Variants in ESRRG observed in about 807,000 individuals in gnomAD.
The protein encoded by ESRRG is estrogen-related receptor gamma.
Under a neutral mutation model 44.0 loss-of-function variants are expected in ESRRG, and 13 were observed. The observed-to-expected ratio is 0.30, with a 90% CI of 0.19 to 0.47. ESRRG has a LOEUF of 0.47. Among genes scored for constraint, ESRRG ranks in the 20% least tolerant of loss-of-function variants. The pLI is 1.00. For missense variants in ESRRG, 395 were observed against 580.6 expected, an observed-to-expected ratio of 0.68 and a Z score of 3.29; for synonymous variants, 215 against 214.6, an observed-to-expected ratio of 1.00 and a Z score of -0.02.
rs531621792 is a variant in ESRRG at position 217,024,357 on chromosome 1, A to T, written c.-106+65150T>A. On this transcript the variant is annotated intron_variant, in intron 1 of 7. Coordinates refer to the ESRRG transcript ENST00000359162. Reference sequence around the variant, plus strand: ...TGAGCGACAGAGCAAGAGTCCATTTAAAAAAAAAAAAAAAATTAGAGCACT... The same window carrying T: ...TGAGCGACAGAGCAAGAGTCCATTTTAAAAAAAAAAAAAAATTAGAGCACT... 6.4e-4 allele frequency among the ~76,000 whole-genome samples: 52 copies of T among 81,440 alleles called. 1 individual carries two copies. In the East Asian group the frequency reaches 0.015, roughly 23 times the overall value. 53.4% of individuals were successfully genotyped at this position (81,440 alleles called of 152,430 possible). A position where few individuals can be genotyped will look rare whatever the true frequency, so the allele number is the denominator to read the frequency against.
intron 2 of ESRRG, among the ~76,000 whole-genome samples, chr1:216,887,001 G>A (rs1039712757): frequency 1.1e-4 from 16 of 152,236 alleles, no homozygotes; most frequent in African/African-American, 3.1e-4. Flanking sequence ...GTCTCCCAAA[G>A]GGCTGGATTT....
rs2041240557 is a variant in ESRRG at position 216,506,516 on chromosome 1, A to AC, written c.*422_*423insG. 4.7e-5 allele frequency: 18 copies of AC among 381,696 alleles called. No homozygotes were observed. The highest frequency in any genetic ancestry group is 3.7e-4 in the South Asian group (18 of 49,052). The allele number at this position is 381,696 out of a possible 1,614,324, so 23.6% of individuals were successfully genotyped here. A position where few individuals can be genotyped will look rare whatever the true frequency, so the allele number is the denominator to read the frequency against. On this transcript the variant is annotated 3_prime_UTR_variant, in exon 7 of 7. Coordinates refer to ENST00000408911, the MANE Select transcript of ESRRG (RefSeq NM_001438.4). ...AGGGAAAGGAAAGGGGGAAGGGAGG[A>AC]TTTTTTTTTAAACTAAAGCTATTTC...
intron 2 of ESRRG, among the ~76,000 whole-genome samples, chr1:216,910,257 C>CAG (rs1174306302): frequency 6.6e-6 from 1 of 152,050 alleles, no homozygotes; most frequent in Non-Finnish European, 1.5e-5. Context: ...CACACACACA[C>CAG]ACGCATACAT....
intron 1 of ESRRG, among the ~76,000 whole-genome samples, chr1:216,973,099 C>T (rs2072041486): frequency 6.6e-6 from 1 of 152,150 alleles, no homozygotes; most frequent in South Asian, 2.1e-4. Context: ...AATGAGGCTC[C>T]CTGCTTCTGT....
chr1:216,638,821 T>A (rs1490876027), intron 3 of ESRRG, among the ~76,000 whole-genome samples: 1 of 152,160 alleles, frequency 6.6e-6, no homozygotes, highest in Non-Finnish European at 1.5e-5. Flanking sequence ...TGTGTATTAT[T>A]TGGACTGATA....
intron 2 of ESRRG, among the ~76,000 whole-genome samples, chr1:216,765,790 C>T (rs1390244443): frequency 6.6e-6 from 1 of 152,060 alleles, no homozygotes; most frequent in East Asian, 1.9e-4. Flanking sequence ...CGTTCCACTG[C>T]CTGACAAAGC....
intron 1 of ESRRG, among the ~76,000 whole-genome samples, chr1:217,039,025 G>A (rs910670979): frequency 6.6e-6 from 1 of 152,142 alleles, no homozygotes; most frequent in Non-Finnish European, 1.5e-5. Context: ...GGGACAAAAT[G>A]TTGCCAGTCT....
intron 4 of ESRRG, among the ~76,000 whole-genome samples, chr1:216,567,042 C>T (rs765792606): frequency 2.0e-5 from 3 of 152,120 alleles, no homozygotes; most frequent in Non-Finnish European, 4.4e-5. Flanking sequence ...TCTTCTCTTC[C>T]CCTGAAGGCA....
intron 1 of ESRRG, among the ~76,000 whole-genome samples, chr1:216,717,950 A>T (rs2085276021): frequency 6.6e-6 from 1 of 151,850 alleles, no homozygotes; most frequent in Admixed American, 6.6e-5. Context: ...TGTTTCTTGG[A>T]TATGGGCCCA....
chr1:216,898,075 C>T (rs546064210), intron 2 of ESRRG, among the ~76,000 whole-genome samples: 1 of 152,212 alleles, frequency 6.6e-6, no homozygotes, highest in Admixed American at 6.5e-5. Flanking sequence ...AAAGTTGTGT[C>T]CTTAGCACAC....
chr1:216,876,879 C>T (rs1015620227), intron 2 of ESRRG, among the ~76,000 whole-genome samples: 2 of 151,744 alleles, frequency 1.3e-5, no homozygotes, highest in South Asian at 2.1e-4. Flanking sequence ...TCTTCTTGAA[C>T]AAAAACAAAT....
chr1:216,616,239 G>C (rs980961642), intron 3 of ESRRG, among the ~76,000 whole-genome samples: 1 of 152,056 alleles, frequency 6.6e-6, no homozygotes, highest in African/African-American at 2.4e-5. Context: ...ACCCAAACCC[G>C]TGGGTGCAGG....
At chr1:217,087,489 G>A (rs944013251) in intron 1 of ESRRG, among the ~76,000 whole-genome samples, 4 of 152,098 alleles carry the variant, frequency 2.6e-5, no homozygotes, top group Admixed American at 6.5e-5. Flanking sequence ...CAGCACACAC[G>A]GAAACCTAAT....
chr1:217,069,437 A>G (rs943603779), intron 1 of ESRRG, among the ~76,000 whole-genome samples: 1 of 150,568 alleles, frequency 6.6e-6, no homozygotes, highest in Non-Finnish European at 1.5e-5. Context: ...ATATATATAT[A>G]TATACATATA....
chr1:216,720,092 G>A (rs1479167857), intron 1 of ESRRG, among the ~76,000 whole-genome samples: 1 of 151,830 alleles, frequency 6.6e-6, no homozygotes, highest in Admixed American at 6.6e-5. Flanking sequence ...TTGTTTTTTT[G>A]TTGTTTACTT....
At chr1:217,100,735 A>T (rs1185636469) in intron 1 of ESRRG, among the ~76,000 whole-genome samples, 1 of 152,180 alleles carries the variant, frequency 6.6e-6, no homozygotes, top group Non-Finnish European at 1.5e-5. Flanking sequence ...TGGGAGCAAG[A>T]GCGAGAAGTA....
intron 1 of ESRRG, among the ~76,000 whole-genome samples, chr1:217,033,254 C>T (rs1000580861): frequency 1.3e-5 from 2 of 152,132 alleles, no homozygotes; most frequent in East Asian, 1.9e-4. Context: ...AGCACCTGTC[C>T]CCTTTTTGTG....
At chr1:216,798,705 G>C (rs1038041989) in intron 2 of ESRRG, among the ~76,000 whole-genome samples, 1 of 152,144 alleles carries the variant, frequency 6.6e-6, no homozygotes, top group South Asian at 2.1e-4. Context: ...AGGGATTGTG[G>C]TGATAGAGAA....
chr1:216,707,524 CAATTTGCTG>C, intron 1 of ESRRG: 1 of 1,510,374 alleles, frequency 6.6e-7, no homozygotes, highest in Non-Finnish European at 8.8e-7. Flanking sequence ...GTGAAAGTTG[CAATTTGCTG>C]AAGTTTTATG....
Sources: allele counts gnomAD v4.1 joint callset (sites outside exome capture counted in the v4.1 genomes callset), GRCh38; gene constraint gnomAD v4.1.1; transcripts MANE v1.5; gene names NCBI Gene and HGNC (gene_info 2026-07-23, HGNC 2026-07-21).